TMPRSS13: variants seen among roughly 807,000 people sequenced by gnomAD.
The protein encoded by TMPRSS13 is transmembrane serine protease 13, also known as transmembrane protease serine 13.
Under a neutral mutation model 68.4 loss-of-function variants are expected in TMPRSS13, and 50 were observed. That is an observed-to-expected ratio of 0.73 (90% CI 0.58 to 0.93). The LOEUF is 0.93. Ranked by LOEUF, TMPRSS13 falls within the 40% of genes least tolerant of loss-of-function variation. The pLI, the probability that TMPRSS13 is intolerant of heterozygous loss-of-function variation, is 0.00. For synonymous variants in TMPRSS13, 267 were observed against 285.8 expected, an observed-to-expected ratio of 0.93 and a Z score of 0.66; for missense variants, 615 against 729.2, an observed-to-expected ratio of 0.84 and a Z score of 1.80.
At position 117,900,896 on chromosome 11, in the gene TMPRSS13, GC is replaced by G. The variant is rs2057406387; in HGVS notation, c.*1342del. 6.6e-6 allele frequency: 1 copy of G among 152,390 alleles called. No individual in the cohort carries two copies. The highest frequency in any genetic ancestry group is 1.5e-5 in the Non-Finnish European group (1 of 68,196). The allele number at this position is 152,390 out of a possible 1,614,324, so 9.4% of individuals were successfully genotyped here. On this transcript the variant is annotated 3_prime_UTR_variant, in exon 13 of 13. Transcript: ENST00000524993. The stretch of plus-strand genomic sequence containing the variant: ...ACAGCACCACAAAAGACTCTGACGG[GC>G]CCAAGGAAGGTGAGGGGAGCAGGAC...
rs1386477951 is a variant in TMPRSS13, at chr11:117,911,809, T to C, written c.861A>G (p.Ser287=). The C allele has an allele frequency of 6.2e-7, 1 of 1,614,042 alleles. No homozygotes were observed. Among genetic ancestry groups the C allele is most frequent in the Admixed American group, 1.7e-5 (1 of 60,020 alleles). ...VAHRDFANSF[S]ILRYNSTIQE... ...GGATGGTGGAGTTGTATCTCAAGATTGAGAAGCTGTTGGCAAAATCCCTGT... is the reference window on the plus strand; with the variant it reads ...GGATGGTGGAGTTGTATCTCAAGATCGAGAAGCTGTTGGCAAAATCCCTGT... The change falls in exon 6 of 13, where the codon TCA becomes TCG. Residue 287 remains serine (S), a synonymous_variant. Coordinates refer to ENST00000524993, the MANE Select transcript of TMPRSS13 (RefSeq NM_001077263.3).
At chr11:117,918,306 A>G in intron 2 of TMPRSS13, 103 bp downstream of exon 2, 1 of 1,284,336 alleles carries the variant, frequency 7.8e-7, no homozygotes, top group Non-Finnish European at 1.1e-6. Context: ...CCTTCCCCGC[A>G]TCGTTGTCTG....
Position 117,915,994 on chromosome 11 carries a change from C to G in TMPRSS13, c.556+1176G>C, listed in dbSNP as rs1288984708. ...TGTTAATGGACTTGTCGAATTCACA[C>G]AGCCTGTCGGTGGCAGAGCCAGGGT... is the stretch of plus-strand genomic sequence containing the variant. On this transcript the variant is annotated intron_variant, in intron 3 of 12. Transcript: ENST00000524993. The surrounding 1 kb of genome is among the most constrained non-coding windows in gnomAD (Gnocchi z 4.9). Among the ~76,000 whole-genome samples, 2 of 152,186 alleles carry G rather than the reference C, an allele frequency of 1.3e-5. No homozygotes were observed. Among genetic ancestry groups the G allele is most frequent in the Non-Finnish European group, 2.9e-5 (2 of 68,032 alleles).
chr11:117,920,703 G>A (rs910001705), intron 1 of TMPRSS13, among the ~76,000 whole-genome samples: 2 of 152,052 alleles, frequency 1.3e-5, no homozygotes, highest in African/African-American at 4.8e-5. Flanking sequence ...TGGCCAGGCT[G>A]GTCTCAAACT....
At chr11:117,917,322 G>A (rs750286931) in intron 2 of TMPRSS13, 48 bp from the exon 3 acceptor site, 8 of 1,449,436 alleles carry the variant, frequency 5.5e-6, no homozygotes, top group African/African-American at 1.4e-5. Context: ...AGAGGAGTCC[G>A]ACGAGATGGA....
In TMPRSS13 at chr11:117,910,699, C is replaced by G; in HGVS notation, c.946+8G>C. 1 of 1,607,304 alleles carries G rather than the reference C, an allele frequency of 6.2e-7. No individual in the cohort carries two copies. The highest frequency in any genetic ancestry group is 8.5e-7 in the Non-Finnish European group (1 of 1,176,150). On this transcript the variant is annotated splice_region_variant and intron_variant, in intron 7 of 12. Transcript: ENST00000524993. Reference sequence around the variant, plus strand: ...ACTGGCCACAATCCAAGAAGAAGAACATCTTACGGGAACACTGGAGAGAGA... The same window carrying G: ...ACTGGCCACAATCCAAGAAGAAGAAGATCTTACGGGAACACTGGAGAGAGA...
chr11:117,908,718 A>G lies in TMPRSS13; in HGVS notation c.1176T>C (p.Pro392=), dbSNP rs111992871. Reference sequence around the variant, plus strand: ...TGATCTCGGCAATGGAGGCTGCCTCAGGCAACTGGTGCAGGTTGCTGGTGC... The same window carrying G: ...TGATCTCGGCAATGGAGGCTGCCTCGGGCAACTGGTGCAGGTTGCTGGTGC... ...YAGTSNLHQL[P]EAASIAEIII... The change falls in exon 9 of 13, where the codon CCT becomes CCC. Residue 392 remains proline (P), a synonymous_variant. Coordinates refer to ENST00000524993, the MANE Select transcript of TMPRSS13 (RefSeq NM_001077263.3). 2.8e-3 allele frequency: 4,467 copies of G among 1,608,120 alleles called. 106 individuals carry two copies. In the African/African-American group the frequency reaches 0.05, roughly 18 times the overall value.
At position 117,914,001 on chromosome 11, in the gene TMPRSS13, G is replaced by C; in HGVS notation, c.680-95C>G. 2 of 1,422,322 alleles carry C rather than the reference G, an allele frequency of 1.4e-6. No individual in the cohort carries two copies. The highest frequency in any genetic ancestry group is 1.9e-6 in the Non-Finnish European group (2 of 1,040,452). The allele number at this position is 1,422,322 out of a possible 1,614,324, so 88.1% of individuals were successfully genotyped here. ...TGAGTGAGGCTTTGAGAAAGCGCTT[G>C]TCCTGACAGCACTCCTTGCTGAGGC... On this transcript the variant is annotated intron_variant, in intron 4 of 12. Coordinates refer to ENST00000524993, the MANE Select transcript of TMPRSS13 (RefSeq NM_001077263.3). The surrounding 1 kb of genome is among the most constrained non-coding windows in gnomAD (Gnocchi z 4.2).
chr11:117,924,238 G>A (rs187130463), intron 1 of TMPRSS13, among the ~76,000 whole-genome samples: 3 of 56,710 alleles, frequency 5.3e-5, no homozygotes, highest in Non-Finnish European at 1.0e-4. Context: ...TTGTTGAGGC[G>A]ATGAAGGCCC....
chr11:117,910,831 A>C (rs1304692029), intron 6 of TMPRSS13, 81 bp from the exon 7 acceptor site: 17 of 1,313,380 alleles, frequency 1.3e-5, no homozygotes, highest in Non-Finnish European at 1.6e-5. Context: ...ACTCCTGCTC[A>C]GTTCCTATCC....
In TMPRSS13 at chr11:117,901,240, A is replaced by G. The variant is rs899834601; in HGVS notation, c.*999T>C. On this transcript the variant is annotated 3_prime_UTR_variant, in exon 13 of 13. Coordinates refer to ENST00000524993, the MANE Select transcript of TMPRSS13 (RefSeq NM_001077263.3). The stretch of plus-strand genomic sequence containing the variant: ...CCCTGGGAGCCTACGCGGGAACAGC[A>G]TCTGTTTCTTAACGCCTTCGTCAGA... The G allele has an allele frequency of 7.2e-5, 11 of 152,652 alleles. No individual in the cohort carries two copies. Among genetic ancestry groups the G allele is most frequent in the Admixed American group, 3.3e-4 (5 of 15,280 alleles). 9.5% of individuals were successfully genotyped at this position (152,652 alleles called of 1,614,324 possible).
At position 117,901,556 on chromosome 11, in the gene TMPRSS13, G is replaced by C. The variant is rs991591412; in HGVS notation, c.*683C>G. 6.6e-6 allele frequency: 1 copy of C among 152,076 alleles called. No homozygotes were observed. The highest frequency in any genetic ancestry group is 1.9e-4 in the East Asian group (1 of 5,194). The allele number at this position is 152,076 out of a possible 1,614,324, so 9.4% of individuals were successfully genotyped here. A position where few individuals can be genotyped will look rare whatever the true frequency, so the allele number is the denominator to read the frequency against. On this transcript the variant is annotated 3_prime_UTR_variant, in exon 13 of 13. Coordinates refer to ENST00000524993, the MANE Select transcript of TMPRSS13 (RefSeq NM_001077263.3). The stretch of plus-strand genomic sequence containing the variant: ...TTTTGGAGAATCTTTAAAAATACCC[G>C]TATTTTCATTTCTTAAATATAAAAA...
intron 1 of TMPRSS13, among the ~76,000 whole-genome samples, chr11:117,929,009 A>G (rs965292727): frequency 2.0e-5 from 3 of 152,154 alleles, no homozygotes; most frequent in Non-Finnish European, 4.4e-5. Context: ...GTGCTCACAG[A>G]CCACAGAGCA....
At chr11:117,909,609 C>T (rs2057499275) in intron 8 of TMPRSS13, among the ~76,000 whole-genome samples, 197 bp downstream of exon 8, 1 of 152,196 alleles carries the variant, frequency 6.6e-6, no homozygotes. Flanking sequence ...CATCCTTGGG[C>T]CTAGCTCGGA....
intron 3 of TMPRSS13, among the ~76,000 whole-genome samples, chr11:117,916,410 C>CCCT (rs2057578675): frequency 6.6e-6 from 1 of 152,250 alleles, no homozygotes; most frequent in Non-Finnish European, 1.5e-5. Flanking sequence ...AGAAGCTATC[C>CCCT]CCTGCATCCA....
At position 117,913,766 on chromosome 11, in the gene TMPRSS13, T is replaced by C. The variant is rs760360866; in HGVS notation, c.809+11A>G. The C allele has an allele frequency of 2.5e-6, 4 of 1,613,326 alleles. No homozygotes were observed. The South Asian group carries it at 4.4e-5, about 18-fold the overall frequency. ...CTGAAGCCTGGACTCTGGGGCCAGG[T>C]TGGGGGTTACCTCTCGAAACCCAGC... On this transcript the variant is annotated intron_variant, in intron 5 of 12. Coordinates refer to ENST00000524993, the MANE Select transcript of TMPRSS13 (RefSeq NM_001077263.3).
intron 1 of TMPRSS13, among the ~76,000 whole-genome samples, chr11:117,919,436 G>A (rs952091697): frequency 6.6e-6 from 1 of 152,272 alleles, no homozygotes; most frequent in Admixed American, 6.5e-5. Context: ...ACAAAGGCCA[G>A]ACTAAGGTCT....
chr11:117,902,187 TG>T lies in TMPRSS13; in HGVS notation c.*51del. On this transcript the variant is annotated 3_prime_UTR_variant, in exon 13 of 13. Coordinates refer to ENST00000524993, the MANE Select transcript of TMPRSS13 (RefSeq NM_001077263.3). ...TGATGCCACACATGGCCAGTCACCA[TG>T]GCCAGAGTCTTCACAGCAGCCGGTG... 6.2e-7 allele frequency: 1 copy of T among 1,611,214 alleles called. No individual in the cohort carries two copies. Among genetic ancestry groups the T allele is most frequent in the Non-Finnish European group, 8.5e-7 (1 of 1,178,538 alleles).
chr11:117,910,081 C>A (rs1377998140), intron 7 of TMPRSS13, 113 bp from the exon 8 acceptor site: 1 of 1,367,320 alleles, frequency 7.3e-7, no homozygotes, highest in Admixed American at 2.0e-5. Flanking sequence ...CTCAGGCAGC[C>A]CCATCCTGAA....
Sources: gnomAD v4.1 joint callset for allele counts (sites outside exome capture counted in the v4.1 genomes callset) on GRCh38, gnomAD v4.1.1 for gene constraint, Gnocchi (gnomAD v3.1) non-coding constraint, MANE v1.5 for transcripts, NCBI Gene and HGNC (gene_info 2026-07-23, HGNC 2026-07-21) for gene names.